Variants in PRRC2B observed in about 807,000 individuals in gnomAD.
PRRC2B encodes the protein proline rich coiled-coil 2B.
Under a neutral mutation model 242.3 loss-of-function variants are expected in PRRC2B, and 68 were observed. The ratio of observed to expected loss-of-function variants is 0.28; its 90% confidence interval spans 0.23 to 0.34. The LOEUF (loss-of-function observed/expected upper bound fraction) is 0.34, where lower values mean the gene tolerates loss of function less well. Among genes scored for constraint, PRRC2B ranks in the 10% least tolerant of loss-of-function variants. The pLI is 1.00. For missense variants in PRRC2B, 2,835 were observed against 2,954.8 expected (o/e 0.96, Z 0.94); for synonymous variants, 1,228 against 1,173.6 (o/e 1.05, Z -0.95).
intron 1 of PRRC2B, among the ~76,000 whole-genome samples, chr9:131,382,058 C>T (rs938638303): frequency 5.3e-5 from 8 of 152,026 alleles, no homozygotes; most frequent in Non-Finnish European, 1.0e-4. Context: ...ACTCTGTCGC[C>T]CAGGCTGGAG....
At chr9:131,434,995 T>A (rs1838298944) in intron 3 of PRRC2B, among the ~76,000 whole-genome samples, 1 of 152,078 alleles carries the variant, frequency 6.6e-6, no homozygotes, top group Non-Finnish European at 1.5e-5. Flanking sequence ...GGTGCAAAGA[T>A]ATGTATTAAA....
At chr9:131,476,712 T>G (rs972068509) in intron 16 of PRRC2B, among the ~76,000 whole-genome samples, 177 bp downstream of exon 16, 29 of 151,940 alleles carry the variant, frequency 1.9e-4, no homozygotes, top group Non-Finnish European at 2.9e-4. Flanking sequence ...CGTGGTGGTG[T>G]TATTGTGGCT....
rs375452412 is a variant in PRRC2B at position 131,438,959 on chromosome 9, G to A, written c.397-30G>A. On this transcript the variant is annotated intron_variant, in intron 4 of 31. Transcript: ENST00000683519. ...ATTGTACAGTGGAATAAGGGAGCTG[G>A]CCCTCTTCTGATTCTCTTCCTTCTT... 13 of 1,562,968 alleles carry A rather than the reference G, an allele frequency of 8.3e-6. No homozygotes were observed. In the African/African-American group the frequency reaches 1.4e-4, roughly 16 times the overall value.
At chr9:131,419,827 G>A (rs965816778) in intron 1 of PRRC2B, among the ~76,000 whole-genome samples, 24 of 151,934 alleles carry the variant, frequency 1.6e-4, no homozygotes, top group Admixed American at 1.4e-3. Context: ...GCTGGGTGGC[G>A]GCGTGGGGCC....
intron 9 of PRRC2B, among the ~76,000 whole-genome samples, chr9:131,451,568 T>C (rs2131398090): frequency 6.6e-6 from 1 of 152,328 alleles, no homozygotes; most frequent in African/African-American, 2.4e-5. Flanking sequence ...ATTACGTGCC[T>C]TTTATTTATT....
At chr9:131,474,025 G>A (rs967731422) in intron 15 of PRRC2B, among the ~76,000 whole-genome samples, 4 of 152,206 alleles carry the variant, frequency 2.6e-5, no homozygotes, top group African/African-American at 9.6e-5. Flanking sequence ...CAGAGCATGG[G>A]TCTTGGCTCA....
rs141913245 is a variant in PRRC2B at position 131,415,280 on chromosome 9, C to T, written c.-51-14814C>T. On this transcript the variant is annotated intron_variant, in intron 1 of 31. Transcript: ENST00000683519. ...AAAGTGGTGGGATTTTCAGGCCTGG[C>T]CAACAGCAACTATCTTAATAAGAAC... Among the ~76,000 whole-genome samples the T allele has an allele frequency of 2.3e-3, 357 of 152,290 alleles. 1 individual carries two copies. The highest frequency in any genetic ancestry group is 3.6e-3 in the Non-Finnish European group (248 of 68,018).
rs1022700093 is a variant in PRRC2B at position 131,483,455 on chromosome 9, C to G, written c.5460+10C>G. 31 of 1,612,438 alleles carry G rather than the reference C, an allele frequency of 1.9e-5. No homozygotes were observed. The highest frequency in any genetic ancestry group is 2.5e-5 in the Non-Finnish European group (30 of 1,178,692). On this transcript the variant is annotated intron_variant, in intron 23 of 31. Coordinates refer to ENST00000683519, the MANE Select transcript of PRRC2B (RefSeq NM_013318.4). Reference sequence around the variant, plus strand: ...TGCCTTGGCCAGTAATGTAAGTCCACACTTCCACTTTTGGCTCCACTCACT... The same window carrying G: ...TGCCTTGGCCAGTAATGTAAGTCCAGACTTCCACTTTTGGCTCCACTCACT...
chr9:131,464,888 G>T lies in PRRC2B; in HGVS notation c.1530G>T (p.Arg510=). The change falls in exon 12 of 32, where the codon CGG becomes CGT. Residue 510 remains arginine (R), a synonymous_variant. Coordinates refer to ENST00000683519, the MANE Select transcript of PRRC2B (RefSeq NM_013318.4). ...SEAVERARKR[R]EEEERRAREE... ...CGGTGGAGCGAGCCCGAAAGCGCCGGGAAGAAGAGGAGCGCCGAGCCCGGG... is the reference window on the plus strand; with the variant it reads ...CGGTGGAGCGAGCCCGAAAGCGCCGTGAAGAAGAGGAGCGCCGAGCCCGGG... 6.2e-7 allele frequency: 1 copy of T among 1,613,600 alleles called. No individual in the cohort carries two copies. Among genetic ancestry groups the T allele is most frequent in the African/African-American group, 1.3e-5 (1 of 74,990 alleles).
intron 1 of PRRC2B, among the ~76,000 whole-genome samples, chr9:131,420,452 T>TCTTTCTTTCTTTCTTTCTTTC (rs767698604): frequency 1.5e-5 from 1 of 66,592 alleles, no homozygotes; most frequent in Non-Finnish European, 3.0e-5. Flanking sequence ...TTTCTTTTTC[T>TCTTTCTTTCTTTCTTTCTTTC]TTTTCTTTCT....
chr9:131,417,313 TG>T (rs900197928), intron 1 of PRRC2B, among the ~76,000 whole-genome samples: 1 of 152,106 alleles, frequency 6.6e-6, no homozygotes, highest in South Asian at 2.1e-4. Flanking sequence ...TTCACTTTTT[TG>T]GGGGGTCTCC....
At chr9:131,414,617 C>T (rs1837595736) in intron 1 of PRRC2B, among the ~76,000 whole-genome samples, 1 of 149,204 alleles carries the variant, frequency 6.7e-6, no homozygotes, top group Admixed American at 6.7e-5. Flanking sequence ...GTCGCCCAGA[C>T]TGGAGTGTAG....
At chr9:131,376,086 C>T (rs373848711) in intron 1 of PRRC2B, among the ~76,000 whole-genome samples, 10 of 147,668 alleles carry the variant, frequency 6.8e-5, no homozygotes, top group South Asian at 4.3e-4. Context: ...TGGTGGCTCA[C>T]GTCTGTAATC....
At chr9:131,452,023 A>G (rs1431241016) in intron 9 of PRRC2B, among the ~76,000 whole-genome samples, 2 of 151,826 alleles carry the variant, frequency 1.3e-5, no homozygotes, top group Non-Finnish European at 2.9e-5. Flanking sequence ...TTTGGTATCA[A>G]GTTATGCTGG....
Position 131,470,785 on chromosome 9 carries a change from C to A in PRRC2B, c.1912-3C>A. 1 of 1,610,814 alleles carries A rather than the reference C, an allele frequency of 6.2e-7. No individual in the cohort carries two copies. Among genetic ancestry groups the A allele is most frequent in the Non-Finnish European group, 8.5e-7 (1 of 1,178,318 alleles). On this transcript the variant is annotated splice_polypyrimidine_tract_variant and splice_region_variant and intron_variant, in intron 13 of 31. Coordinates refer to ENST00000683519, the MANE Select transcript of PRRC2B (RefSeq NM_013318.4). ...GACCAAGTCTCTCTCTCTCTGTGGG[C>A]AGGAGCAGCTGTACAAGATGCAGCA...
intron 1 of PRRC2B, among the ~76,000 whole-genome samples, chr9:131,381,050 G>T (rs1044226417): frequency 6.6e-6 from 1 of 152,038 alleles, no homozygotes; most frequent in African/African-American, 2.4e-5. Context: ...TGAGATACCG[G>T]CCTACGCTAC....
rs1010732909 is a variant in PRRC2B at position 131,431,117 on chromosome 9, A to G, written c.115+858A>G. Among the ~76,000 whole-genome samples, 3 of 151,138 alleles carry G rather than the reference A, an allele frequency of 2.0e-5. No homozygotes were observed. In the East Asian group the frequency reaches 5.9e-4, roughly 30 times the overall value. ...AGGCATGTGCCACCACGCCCGGCTAATTTTGCTTTTTGTTTTTTGTTTTTC... is the reference window on the plus strand; with the variant it reads ...AGGCATGTGCCACCACGCCCGGCTAGTTTTGCTTTTTGTTTTTTGTTTTTC... On this transcript the variant is annotated intron_variant, in intron 2 of 31. Transcript: ENST00000683519.
chr9:131,478,980 C>T (rs1295575977), intron 18 of PRRC2B, among the ~76,000 whole-genome samples: 1 of 152,124 alleles, frequency 6.6e-6, no homozygotes, highest in Admixed American at 6.5e-5. Flanking sequence ...GATTTGTCTC[C>T]CTCAAGTCAA....
intron 9 of PRRC2B, among the ~76,000 whole-genome samples, chr9:131,454,565 CT>C (rs1310001760): frequency 6.6e-6 from 1 of 152,160 alleles, no homozygotes; most frequent in African/African-American, 2.4e-5. Flanking sequence ...CTCAGCTCCT[CT>C]GCTGGGATAG....
Sources: allele counts gnomAD v4.1 joint callset (sites outside exome capture counted in the v4.1 genomes callset), GRCh38; gene constraint gnomAD v4.1.1; transcripts MANE v1.5; gene names NCBI Gene and HGNC (gene_info 2026-07-23, HGNC 2026-07-21).